MCTP1: variants seen among roughly 807,000 people sequenced by gnomAD.
MCTP1 encodes multiple C2 and transmembrane domain containing 1.
Under a neutral mutation model 120.6 loss-of-function variants are expected in MCTP1, and 69 were observed. That is an observed-to-expected ratio of 0.57 (90% CI 0.47 to 0.70). The LOEUF is 0.70. Ranked by LOEUF, MCTP1 falls within the 30% of genes least tolerant of loss-of-function variation. The probability of loss-of-function intolerance (pLI) is 0.00; values close to 1 mark genes in which losing one functional copy is unlikely to be tolerated. For missense variants in MCTP1, 1,203 were observed against 1,248.8 expected (o/e 0.96, Z 0.55); for synonymous variants, 529 against 493.1 (o/e 1.07, Z -0.96).
chr5:94,944,037 CT>C (rs917703859), intron 3 of MCTP1, among the ~76,000 whole-genome samples: 12 of 151,326 alleles, frequency 7.9e-5, no homozygotes, highest in South Asian at 4.2e-4. Flanking sequence ...ATCAGTTGCT[CT>C]TTTTTTTTCT....
chr5:95,273,527 T>C (rs1436450721), intron 1 of MCTP1, among the ~76,000 whole-genome samples: 1 of 152,216 alleles, frequency 6.6e-6, no homozygotes, highest in African/African-American at 2.4e-5. Flanking sequence ...CTAACAGGTA[T>C]ATGTAGGAGG....
intron 17 of MCTP1, among the ~76,000 whole-genome samples, chr5:94,847,198 T>C (rs1792589320): frequency 6.6e-6 from 1 of 152,188 alleles, no homozygotes; most frequent in Admixed American, 6.6e-5. Context: ...GTGATATGTA[T>C]GTACATCAAA....
At chr5:94,903,686 C>A (rs1436739576) in intron 10 of MCTP1, among the ~76,000 whole-genome samples, 1 of 152,182 alleles carries the variant, frequency 6.6e-6, no homozygotes, top group Non-Finnish European at 1.5e-5. Context: ...TGCCTAGGCC[C>A]TGAGAACAAT....
chr5:95,238,365 G>A (rs971806456), intron 1 of MCTP1, among the ~76,000 whole-genome samples: 9 of 152,094 alleles, frequency 5.9e-5, no homozygotes, highest in South Asian at 2.1e-4. Flanking sequence ...ATAGAATTGC[G>A]TTTTTGCTAC....
chr5:94,963,498 AC>A (rs1824846843), intron 2 of MCTP1, among the ~76,000 whole-genome samples: 1 of 147,826 alleles, frequency 6.8e-6, no homozygotes. Flanking sequence ...AATAATAGCC[AC>A]CCTAACAGGT....
chr5:95,194,377 C>A (rs988956146), intron 1 of MCTP1, among the ~76,000 whole-genome samples: 1 of 152,036 alleles, frequency 6.6e-6, no homozygotes, highest in Admixed American at 6.6e-5. Flanking sequence ...CACTCTACTG[C>A]GTGGAAAAAT....
At chr5:95,063,438 T>A (rs1365353087) in intron 1 of MCTP1, among the ~76,000 whole-genome samples, 1 of 152,232 alleles carries the variant, frequency 6.6e-6, no homozygotes, top group East Asian at 1.9e-4. Flanking sequence ...AGCTGCAGAA[T>A]TCTCTCCTTC....
chr5:95,107,996 G>A (rs1209220490), intron 1 of MCTP1, among the ~76,000 whole-genome samples: 1 of 152,170 alleles, frequency 6.6e-6, no homozygotes, highest in Non-Finnish European at 1.5e-5. Context: ...GAAGCACTAT[G>A]ACATGGCTGT....
intron 17 of MCTP1, chr5:94,826,458 G>C: frequency 1.5e-6 from 1 of 685,156 alleles, no homozygotes; most frequent in Non-Finnish European, 2.7e-6. Context: ...GAACACAGAA[G>C]TGGCCAGCTT....
chr5:94,731,301 T>G (rs1311311363), intron 19 of MCTP1, among the ~76,000 whole-genome samples: 1 of 152,162 alleles, frequency 6.6e-6, no homozygotes, highest in Non-Finnish European at 1.5e-5. Context: ...GTCAAAAGAT[T>G]GGACACCCCG....
At chr5:94,867,185 A>G (rs755829926) in intron 17 of MCTP1, 134 of 1,343,100 alleles carry the variant, frequency 1.0e-4, no homozygotes, top group Middle Eastern at 1.9e-4. Flanking sequence ...AAGAGCTACA[A>G]AAAGAATACT....
intron 19 of MCTP1, among the ~76,000 whole-genome samples, chr5:94,758,001 G>T (rs773063718): frequency 3.9e-5 from 6 of 152,204 alleles, no homozygotes; most frequent in African/African-American, 7.2e-5. Context: ...CAGGAAACAA[G>T]TTTAGTAAGG....
At chr5:95,109,018 A>T (rs1757279539) in intron 1 of MCTP1, among the ~76,000 whole-genome samples, 2 of 152,230 alleles carry the variant, frequency 1.3e-5, no homozygotes, top group Admixed American at 6.5e-5. Context: ...AGACTGATAG[A>T]TGCCTGGCAC....
chr5:94,830,204 A>T (rs1788199997), intron 17 of MCTP1, among the ~76,000 whole-genome samples: 1 of 152,228 alleles, frequency 6.6e-6, no homozygotes, highest in African/African-American at 2.4e-5. Context: ...GACCAGGAAA[A>T]CATCACCTTT....
chr5:95,142,987 T>C (rs1760069181), intron 1 of MCTP1, among the ~76,000 whole-genome samples: 1 of 152,068 alleles, frequency 6.6e-6, no homozygotes, highest in Non-Finnish European at 1.5e-5. Context: ...AAATATACTG[T>C]TTTTTTCATA....
intron 12 of MCTP1, among the ~76,000 whole-genome samples, chr5:94,880,112 T>C (rs1225913331): frequency 6.6e-6 from 1 of 152,138 alleles, no homozygotes. Flanking sequence ...ATGCCTAAGC[T>C]TTTAACAGCT....
intron 18 of MCTP1, among the ~76,000 whole-genome samples, chr5:94,784,487 G>GAC (rs1164051986): frequency 6.6e-6 from 1 of 151,932 alleles, no homozygotes; most frequent in Admixed American, 6.6e-5. Flanking sequence ...TTTACGACAG[G>GAC]ACACCTACTT....
At chr5:95,250,375 C>A (rs553675905) in intron 1 of MCTP1, among the ~76,000 whole-genome samples, 1 of 152,186 alleles carries the variant, frequency 6.6e-6, no homozygotes, top group East Asian at 1.9e-4. Flanking sequence ...ATCATAAAGT[C>A]CTTTGTTTCT....
At chr5:94,766,319 T>C (rs571913061) in intron 19 of MCTP1, among the ~76,000 whole-genome samples, 7 of 152,298 alleles carry the variant, frequency 4.6e-5, no homozygotes, top group East Asian at 3.9e-4. Flanking sequence ...GTGGCACATA[T>C]ACACCATGGA....
Sources: gnomAD v4.1 joint callset for allele counts (sites outside exome capture counted in the v4.1 genomes callset) on GRCh38, gnomAD v4.1.1 for gene constraint, MANE v1.5 for transcripts, NCBI Gene and HGNC (gene_info 2026-07-23, HGNC 2026-07-21) for gene names.